LOC128462377: variants seen among roughly 807,000 people sequenced by gnomAD.
chr16:89,369,122 C>A, the LOC128462377 span, among the ~76,000 whole-genome samples: 1 of 152,106 alleles, frequency 6.6e-6, no homozygotes, highest in Non-Finnish European at 1.5e-5. Context: ...TGACAATCTA[C>A]CCTAGAAAGG....
chr16:89,366,092 T>C, the LOC128462377 span, among the ~76,000 whole-genome samples: 1 of 134,900 alleles, frequency 7.4e-6, no homozygotes. Flanking sequence ...ATGGCGCCAC[T>C]GCACTCTAGC....
the LOC128462377 span, among the ~76,000 whole-genome samples, chr16:89,411,669 C>T: frequency 2.0e-5 from 3 of 152,200 alleles, no homozygotes; most frequent in Non-Finnish European, 2.9e-5. Flanking sequence ...CCACCTCAGC[C>T]TCCCAGAGTG....
At chr16:89,372,756 G>C in the LOC128462377 span, 1 of 152,186 alleles carries the variant, frequency 6.6e-6, no homozygotes, top group South Asian at 2.1e-4. Context: ...CTCAGATTTT[G>C]TGACTGAAGA....
the LOC128462377 span, among the ~76,000 whole-genome samples, chr16:89,321,702 GA>G: frequency 0.016 from 2,275 of 144,736 alleles, 63 homozygotes; most frequent in African/African-American, 0.053. Flanking sequence ...AAAACTCACA[GA>G]AAAAAAAAAA....
At chr16:89,341,017 A>T in the LOC128462377 span, among the ~76,000 whole-genome samples, 1 of 152,250 alleles carries the variant, frequency 6.6e-6, no homozygotes, top group Non-Finnish European at 1.5e-5. Context: ...ACACCCAGAA[A>T]GAACATTTTT....
the LOC128462377 span, among the ~76,000 whole-genome samples, chr16:89,415,841 A>AAAAAAAAAAAAAAAAAAAAAAC: frequency 4.1e-5 from 6 of 144,794 alleles, no homozygotes; most frequent in Non-Finnish European, 6.1e-5. Context: ...AAAAAAAAAA[A>AAAAAAAAAAAAAAAAAAAAAAC]AAAAAAAAAC....
the LOC128462377 span, among the ~76,000 whole-genome samples, chr16:89,406,756 A>T: frequency 1.3e-5 from 2 of 152,158 alleles, no homozygotes; most frequent in Non-Finnish European, 2.9e-5. Flanking sequence ...CGATCCCACC[A>T]AGCATGACCC....
At chr16:89,383,461 A>C in the LOC128462377 span, among the ~76,000 whole-genome samples, 1 of 152,152 alleles carries the variant, frequency 6.6e-6, no homozygotes, top group African/African-American at 2.4e-5. Context: ...ACCCTCCCTG[A>C]TGGGCTCATT....
the LOC128462377 span, among the ~76,000 whole-genome samples, chr16:89,384,383 T>G: frequency 1.3e-5 from 2 of 151,972 alleles, no homozygotes; most frequent in African/African-American, 4.8e-5. Flanking sequence ...ATACAAAAAT[T>G]AGCTAGGCGT....
chr16:89,333,417 C>T, the LOC128462377 span, among the ~76,000 whole-genome samples: 86 of 152,286 alleles, frequency 5.6e-4, 1 homozygote, highest in East Asian at 0.016. Flanking sequence ...GGGTGCTGTG[C>T]AGTCTATGGT....
chr16:89,393,583 T>C, the LOC128462377 span, among the ~76,000 whole-genome samples: 1 of 151,602 alleles, frequency 6.6e-6, no homozygotes, highest in Non-Finnish European at 1.5e-5. Context: ...TCAGAGTGAT[T>C]TGCCCGCCTC....
the LOC128462377 span, among the ~76,000 whole-genome samples, chr16:89,413,556 C>T: frequency 2.0e-5 from 3 of 152,212 alleles, no homozygotes; most frequent in South Asian, 4.1e-4. Context: ...ACCCGGGAGG[C>T]GGAGCTTGCA....
At chr16:89,348,116 C>T in the LOC128462377 span, among the ~76,000 whole-genome samples, 4 of 151,846 alleles carry the variant, frequency 2.6e-5, no homozygotes, top group African/African-American at 4.8e-5. Context: ...ATTTTTTGTA[C>T]AGATAGGGTT....
At chr16:89,358,511 T>G in the LOC128462377 span, among the ~76,000 whole-genome samples, 1 of 152,274 alleles carries the variant, frequency 6.6e-6, no homozygotes, top group East Asian at 1.9e-4. Flanking sequence ...ATACCCCGTT[T>G]TCCATGATAT....
At chr16:89,347,910 C>T in the LOC128462377 span, among the ~76,000 whole-genome samples, 1 of 151,990 alleles carries the variant, frequency 6.6e-6, no homozygotes, top group East Asian at 1.9e-4. Context: ...CTTTGCAGAG[C>T]ACTTTCCTCA....
the LOC128462377 span, among the ~76,000 whole-genome samples, chr16:89,334,440 G>A: frequency 1.3e-5 from 2 of 152,118 alleles, no homozygotes; most frequent in East Asian, 1.9e-4. Context: ...TCTCTGAGGA[G>A]TCCTCTCTTC....
At chr16:89,317,949 G>A in the LOC128462377 span, among the ~76,000 whole-genome samples, 8 of 152,126 alleles carry the variant, frequency 5.3e-5, no homozygotes, top group African/African-American at 1.2e-4. Flanking sequence ...GCAGAGCCAG[G>A]TAAAGGAAAC....
At chr16:89,374,756 C>T in the LOC128462377 span, among the ~76,000 whole-genome samples, 2 of 152,218 alleles carry the variant, frequency 1.3e-5, no homozygotes, top group Admixed American at 6.5e-5. Context: ...AGCTGAAGAA[C>T]TCCATGATGA....
chr16:89,382,974 G>A, the LOC128462377 span, among the ~76,000 whole-genome samples: 1 of 152,206 alleles, frequency 6.6e-6, no homozygotes. Flanking sequence ...CCGAGGAGCT[G>A]GGATTACAGG....
Sources: gnomAD v4.1 joint callset for allele counts (sites outside exome capture counted in the v4.1 genomes callset) on GRCh38, gnomAD v4.1.1 for gene constraint, MANE v1.5 for transcripts.